DYSF: variants seen among roughly 807,000 people sequenced by gnomAD.
DYSF encodes the protein dysferlin, also known as dystrophy-associated fer-1-like 1.
DYSF carries 212 observed loss-of-function variants against 274.9 expected under a neutral mutation model. That is an observed-to-expected ratio of 0.77 (90% CI 0.69 to 0.86). The LOEUF (loss-of-function observed/expected upper bound fraction) is 0.86, where lower values mean the gene tolerates loss of function less well. Among genes scored for constraint, DYSF ranks in the 40% least tolerant of loss-of-function variants. The pLI is 0.00. For missense variants in DYSF, 2,666 were observed against 2,783.2 expected, an observed-to-expected ratio of 0.96 and a Z score of 0.95; for synonymous variants, 1,091 against 1,078.7, an observed-to-expected ratio of 1.01 and a Z score of -0.22.
chr2:71,612,661 CTA>C lies in DYSF; in HGVS notation c.4243_4244del (p.Tyr1415LeufsTer11), dbSNP rs759669569. The part of the protein sequence containing the change: ...MEVMLPREEL[Y>X]CPPITVKVID... ...CCCAGATGCTGCCCAGGGAGGAGCT[CTA>C]CTGCCCCCCCATCACCGTCAAGGTC... is the stretch of plus-strand genomic sequence containing the variant. On this transcript the variant is annotated frameshift_variant, in exon 39 of 56. Coordinates refer to ENST00000410020, the MANE Select transcript of DYSF (RefSeq NM_001130987.2). LOFTEE classifies it high-confidence loss of function. 6 of 1,614,030 alleles carry C rather than the reference CTA, an allele frequency of 3.7e-6. No individual in the cohort carries two copies. Among genetic ancestry groups the C allele is most frequent in the African/African-American group, 1.3e-5 (1 of 74,934 alleles).
chr2:71,579,122 C>T (rs2092806349), intron 30 of DYSF, among the ~76,000 whole-genome samples: 2 of 152,136 alleles, frequency 1.3e-5, no homozygotes, highest in African/African-American at 4.8e-5. Flanking sequence ...CAGCAGCCAC[C>T]ACCGCCGCCT....
At chr2:71,600,890 G>C (rs762682790) in intron 34 of DYSF, 48 bp downstream of exon 34, 1 of 1,601,486 alleles carries the variant, frequency 6.2e-7, no homozygotes, top group South Asian at 1.1e-5. Flanking sequence ...CAGGAGTGGG[G>C]TGGGGGCCAA....
intron 14 of DYSF, among the ~76,000 whole-genome samples, chr2:71,533,599 T>G (rs1326303360): frequency 2.0e-5 from 3 of 152,230 alleles, no homozygotes; most frequent in Admixed American, 6.5e-5. Flanking sequence ...ATTCCTCACA[T>G]GTGCAAGTAT....
intron 39 of DYSF, 71 bp from the exon 40 acceptor site, chr2:71,613,263 C>T: frequency 7.0e-7 from 1 of 1,423,112 alleles, no homozygotes; most frequent in South Asian, 1.2e-5. Flanking sequence ...CTTGGTTGAG[C>T]CCTGGGGCTG....
intron 17 of DYSF, among the ~76,000 whole-genome samples, chr2:71,550,364 C>T (rs748452287): frequency 1.3e-5 from 2 of 151,860 alleles, no homozygotes; most frequent in South Asian, 4.1e-4. Context: ...GTGTAATTCT[C>T]GAACTCTCCT....
intron 17 of DYSF, among the ~76,000 whole-genome samples, chr2:71,549,093 A>T (rs149624808): frequency 6.6e-6 from 1 of 152,268 alleles, no homozygotes; most frequent in African/African-American, 2.4e-5. Flanking sequence ...GAACACACAG[A>T]GTGATGGGCA....
intron 51 of DYSF, among the ~76,000 whole-genome samples, chr2:71,672,056 G>A (rs2095133598): frequency 6.6e-6 from 1 of 152,170 alleles, no homozygotes; most frequent in African/African-American, 2.4e-5. Context: ...TCTCCGTGAT[G>A]CCAGACTCTG....
At position 71,660,849 on chromosome 2, in the gene DYSF, T is replaced by C. The variant is rs114643317; in HGVS notation, c.5003+198T>C. On this transcript the variant is annotated intron_variant, in intron 45 of 55. Coordinates refer to ENST00000410020, the MANE Select transcript of DYSF (RefSeq NM_001130987.2). The stretch of plus-strand genomic sequence containing the variant: ...CTAAAGACTTGATCCCAACAGAAGC[T>C]CCTAGTTAAATGCTAAACAATTACG... Among the ~76,000 whole-genome samples the C allele has an allele frequency of 1.8e-3, 273 of 152,164 alleles. 1 individual carries two copies. Among genetic ancestry groups the C allele is most frequent in the African/African-American group, 6.2e-3 (259 of 41,510 alleles).
rs1482245280 is a variant in DYSF at position 71,564,146 on chromosome 2, T to G, written c.2498T>G (p.Leu833Arg). 6.2e-7 allele frequency: 1 copy of G among 1,614,152 alleles called. No individual in the cohort carries two copies. Among genetic ancestry groups the G allele is most frequent in the African/African-American group, 1.3e-5 (1 of 74,946 alleles). ...CAGCGGGTGCCCGCCCACCAAGTCC[T>G]CTTCTCCCGGCGGGGTGCCAACTAC... is the stretch of plus-strand genomic sequence containing the variant. ...AYQRVPAHQV[L>R]FSRRGANYCG... Residue 833 changes from leucine (L) to arginine (R), a missense_variant, in exon 24 of 56, where the codon CTC (leucine) becomes CGC (arginine). Physicochemically the swap from Leu to Arg is moderately radical, Grantham distance 102. This residue lies in a region of DYSF where 412 missense variants were observed against 504.0 expected (regional missense o/e 0.82). Transcript: ENST00000410020.
chr2:71,595,197 T>C lies in DYSF; in HGVS notation c.3575-3367T>C, dbSNP rs115144315. 3.1e-3 allele frequency among the ~76,000 whole-genome samples: 475 copies of C among 152,342 alleles called. 4 individuals carry two copies. The highest frequency in any genetic ancestry group is 0.011 in the African/African-American group (442 of 41,586). On this transcript the variant is annotated intron_variant, in intron 32 of 55. Transcript: ENST00000410020. ...TTCCAGCAATAAAGGAGAGTACCTA[T>C]TTCATCAACTCTTTGCCCATACTGG...
At chr2:71,478,458 A>G (rs143556162) in intron 1 of DYSF, among the ~76,000 whole-genome samples, 3,498 of 151,950 alleles carry the variant, frequency 0.023, 65 homozygotes, top group African/African-American at 0.049. Flanking sequence ...TGATCCACCC[A>G]CCTCAGCCTC....
At chr2:71,655,105 C>T (rs1050255071) in intron 42 of DYSF, among the ~76,000 whole-genome samples, 1 of 151,780 alleles carries the variant, frequency 6.6e-6, no homozygotes, top group Non-Finnish European at 1.5e-5. Context: ...TTGCACCCCC[C>T]ATCCACAAAA....
intron 20 of DYSF, 36 bp from the exon 21 acceptor site, chr2:71,553,771 C>T: frequency 9.2e-7 from 1 of 1,088,488 alleles, no homozygotes; most frequent in Non-Finnish European, 1.3e-6. Context: ...GCCCTCCACT[C>T]CTGGCACAGC....
At position 71,568,034 on chromosome 2, in the gene DYSF, G is replaced by A; in HGVS notation, c.2649G>A (p.Lys883=). 1.2e-6 allele frequency: 2 copies of A among 1,614,194 alleles called. No individual in the cohort carries two copies. Among genetic ancestry groups the A allele is most frequent in the South Asian group, 2.2e-5 (2 of 91,076 alleles). ...KLWFGLSVDE[K]EFNQFAEGKL... ...GGTTTGGGCTCTCAGTGGATGAGAAGGAGTTCAACCAGTTTGCTGAGGGGA... is the reference window on the plus strand; with the variant it reads ...GGTTTGGGCTCTCAGTGGATGAGAAAGAGTTCAACCAGTTTGCTGAGGGGA... The change falls in exon 25 of 56, where the codon AAG becomes AAA. Residue 883 remains lysine (K), a synonymous_variant. Coordinates refer to ENST00000410020, the MANE Select transcript of DYSF (RefSeq NM_001130987.2).
intron 41 of DYSF, among the ~76,000 whole-genome samples, chr2:71,624,307 T>A (rs1402157648): frequency 6.6e-6 from 1 of 152,242 alleles, no homozygotes; most frequent in African/African-American, 2.4e-5. Context: ...CAGCATTTGT[T>A]AATCCTGGCT....
intron 43 of DYSF, among the ~76,000 whole-genome samples, chr2:71,657,213 A>G (rs1223626093): frequency 1.3e-5 from 2 of 152,236 alleles, no homozygotes; most frequent in Admixed American, 1.3e-4. Context: ...CCAGTGGGAC[A>G]GTCATATTTT....
At chr2:71,681,390 A>G (rs560396183) in intron 54 of DYSF, among the ~76,000 whole-genome samples, 102 of 152,266 alleles carry the variant, frequency 6.7e-4, no homozygotes, top group African/African-American at 2.2e-3. Flanking sequence ...GTGCTATGGA[A>G]CCTTCCCTGC....
intron 52 of DYSF, 50 bp from the exon 53 acceptor site, chr2:71,679,007 G>T (rs750183369): frequency 7.0e-6 from 11 of 1,574,656 alleles, no homozygotes; most frequent in South Asian, 1.1e-5. Context: ...GTGGCTACAG[G>T]CTGGCAGTGA....
chr2:71,644,016 AG>A lies in DYSF; in HGVS notation c.4582del (p.Glu1528LysfsTer14). 6.2e-7 allele frequency: 1 copy of A among 1,612,718 alleles called. No individual in the cohort carries two copies. The highest frequency in any genetic ancestry group is 8.5e-7 in the Non-Finnish European group (1 of 1,179,500). ...WSKFFASIGEREKCGSYLEKD... is the reference protein window; with the variant it reads ...WSKFFASIGEXEKCGSYLEKD... Reference sequence around the variant, plus strand: ...CAAATTCTTTGCCTCCATAGGGGAGAGGGAAAAGTGCGGCTCCTACCTGGAG... The same window carrying A: ...CAAATTCTTTGCCTCCATAGGGGAGAGGAAAAGTGCGGCTCCTACCTGGAG... On this transcript the variant is annotated frameshift_variant, in exon 42 of 56. Transcript: ENST00000410020. LOFTEE classifies it high-confidence loss of function.
Sources: allele counts gnomAD v4.1 joint callset (sites outside exome capture counted in the v4.1 genomes callset), GRCh38; gene constraint gnomAD v4.1.1; regional missense constraint gnomAD v4.1.1; transcripts MANE v1.5; gene names NCBI Gene and HGNC (gene_info 2026-07-23, HGNC 2026-07-21).